Variants in PRUNE2 observed in about 807,000 individuals in gnomAD.
PRUNE2 encodes prune homolog 2 with BCH domain.
PRUNE2 carries 164 observed loss-of-function variants against 252.0 expected under a neutral mutation model. The ratio of observed to expected loss-of-function variants is 0.65; its 90% CI spans 0.57 to 0.74. The LOEUF is 0.74. PRUNE2 is among the 30% of genes least tolerant of loss of function. The pLI, the probability that PRUNE2 is intolerant of heterozygous loss-of-function variation, is 0.00. For synonymous variants in PRUNE2, 1,292 were observed against 1,350.2 expected (o/e 0.96, Z 0.94); for missense variants, 3,495 against 3,711.0 (o/e 0.94, Z 1.51).
intron 11 of PRUNE2, among the ~76,000 whole-genome samples, chr9:76,649,179 A>G (rs529873898): frequency 6.6e-5 from 10 of 152,332 alleles, no homozygotes; most frequent in African/African-American, 2.4e-4. Flanking sequence ...TAATGAAAGT[A>G]CCAGGAATAC....
intron 9 of PRUNE2, among the ~76,000 whole-genome samples, chr9:76,658,367 C>T (rs555388489): frequency 6.6e-6 from 1 of 152,080 alleles, no homozygotes; most frequent in Admixed American, 6.5e-5. Context: ...CCACTCCCCC[C>T]CAAAAAGAAG....
At chr9:76,688,647 G>A (rs1437750038) in intron 9 of PRUNE2, among the ~76,000 whole-genome samples, 1 of 152,062 alleles carries the variant, frequency 6.6e-6, no homozygotes, top group Non-Finnish European at 1.5e-5. Flanking sequence ...CCAGTCTCAG[G>A]TGGATTGCCA....
At position 76,714,793 on chromosome 9, in the gene PRUNE2, A is replaced by G. The variant is rs116490608; in HGVS notation, c.757-1072T>C. ...CAGTGAAGAACATATGCTAGCCCCT[A>G]ACATAATGCCTGGCATATACTAGTT... On this transcript the variant is annotated intron_variant, in intron 6 of 18. Coordinates refer to ENST00000376718, the MANE Select transcript of PRUNE2 (RefSeq NM_015225.3). Among the ~76,000 whole-genome samples the G allele has an allele frequency of 6.7e-3, 1,018 of 152,338 alleles. 9 individuals are homozygous for G. The highest frequency in any genetic ancestry group is 0.022 in the African/African-American group (932 of 41,568).
At chr9:76,892,440 A>G (rs1322344463) in intron 1 of PRUNE2, among the ~76,000 whole-genome samples, 2 of 152,252 alleles carry the variant, frequency 1.3e-5, no homozygotes, top group Non-Finnish European at 2.9e-5. Context: ...AAGCCAGTTT[A>G]AAGACATAAT....
chr9:76,660,981 T>C (rs71509892), intron 9 of PRUNE2, among the ~76,000 whole-genome samples: 2 of 151,648 alleles, frequency 1.3e-5, no homozygotes, highest in Non-Finnish European at 2.9e-5. Flanking sequence ...ATGCAATAAA[T>C]AGAAAAATTA....
intron 9 of PRUNE2, among the ~76,000 whole-genome samples, chr9:76,683,460 C>A (rs1485117404): frequency 6.6e-6 from 1 of 152,194 alleles, no homozygotes; most frequent in Non-Finnish European, 1.5e-5. Flanking sequence ...CTTAGGTTTT[C>A]ATAATATGAG....
At chr9:76,711,604 T>G (rs1193992927) in intron 7 of PRUNE2, among the ~76,000 whole-genome samples, 3 of 152,194 alleles carry the variant, frequency 2.0e-5, no homozygotes, top group Non-Finnish European at 4.4e-5. Flanking sequence ...CCTGAACGTT[T>G]GGGTAAAGGA....
chr9:76,620,496 A>G (rs558057677), intron 17 of PRUNE2, among the ~76,000 whole-genome samples: 4 of 152,288 alleles, frequency 2.6e-5, no homozygotes, highest in African/African-American at 9.6e-5. Context: ...AAGAGCTTCT[A>G]TGATCCTTTT....
chr9:76,856,230 G>A (rs1355846683), intron 1 of PRUNE2, among the ~76,000 whole-genome samples: 1 of 152,162 alleles, frequency 6.6e-6, no homozygotes, highest in Non-Finnish European at 1.5e-5. Flanking sequence ...CCTCTGCCCT[G>A]TATTAATGCC....
At chr9:76,852,896 T>C (rs1203134386) in intron 2 of PRUNE2, among the ~76,000 whole-genome samples, 1 of 152,202 alleles carries the variant, frequency 6.6e-6, no homozygotes, top group Non-Finnish European at 1.5e-5. Context: ...TTTTATTGGA[T>C]GTCAAGACAT....
At chr9:76,690,205 G>A (rs1179504683) in intron 9 of PRUNE2, among the ~76,000 whole-genome samples, 2 of 152,028 alleles carry the variant, frequency 1.3e-5, no homozygotes, top group Non-Finnish European at 1.5e-5. Context: ...GCCCTTTCTC[G>A]CCCCTTCTTC....
intron 1 of PRUNE2, among the ~76,000 whole-genome samples, chr9:76,893,538 A>G (rs1010613660): frequency 6.6e-6 from 1 of 152,226 alleles, no homozygotes; most frequent in African/African-American, 2.4e-5. Context: ...GGCCAATTGT[A>G]ACAAGTGTGG....
chr9:76,684,076 C>T (rs1464619175), intron 9 of PRUNE2, among the ~76,000 whole-genome samples: 1 of 151,996 alleles, frequency 6.6e-6, no homozygotes, highest in African/African-American at 2.4e-5. Context: ...ACCTCACATA[C>T]TTATGTTTTT....
At chr9:76,759,978 C>CGTCCT (rs2051541030) in intron 6 of PRUNE2, 1 of 152,322 alleles carries the variant, frequency 6.6e-6, no homozygotes, top group Admixed American at 6.5e-5. Flanking sequence ...CCCTGTCACA[C>CGTCCT]GTCCTGCGAG....
At chr9:76,901,352 A>G (rs940774468) in intron 1 of PRUNE2, among the ~76,000 whole-genome samples, 2 of 152,140 alleles carry the variant, frequency 1.3e-5, no homozygotes, top group African/African-American at 4.8e-5. Context: ...TCTCAAGAGC[A>G]CCTGCCCTGG....
intron 6 of PRUNE2, among the ~76,000 whole-genome samples, chr9:76,718,926 G>A (rs758060309): frequency 1.3e-5 from 2 of 151,976 alleles, no homozygotes; most frequent in African/African-American, 2.4e-5. Flanking sequence ...CATCTCTCAC[G>A]TAATTCACCA....
chr9:76,870,267 A>G (rs544842195), intron 1 of PRUNE2, among the ~76,000 whole-genome samples: 1 of 150,112 alleles, frequency 6.7e-6, no homozygotes, highest in South Asian at 2.1e-4. Flanking sequence ...AGAGAGCAAG[A>G]CTCCCTAACT....
At chr9:76,871,873 C>T (rs2061219421) in intron 1 of PRUNE2, among the ~76,000 whole-genome samples, 1 of 152,184 alleles carries the variant, frequency 6.6e-6, no homozygotes, top group African/African-American at 2.4e-5. Flanking sequence ...AAGCAATCTG[C>T]CTGCCTCAGG....
In PRUNE2 at chr9:76,655,404, G is replaced by A. The variant is rs1344145982; in HGVS notation, c.8356+19C>T. The A allele has an allele frequency of 6.3e-7, 1 of 1,584,010 alleles. No individual in the cohort carries two copies. On this transcript the variant is annotated intron_variant, in intron 10 of 18. Transcript: ENST00000376718. The stretch of plus-strand genomic sequence containing the variant: ...GATACAGAATACCAACGAAGGAAAT[G>A]AACAAATGCTGCTCTCACCAGGCCT...
Sources: gnomAD v4.1 joint callset for allele counts (sites outside exome capture counted in the v4.1 genomes callset) on GRCh38, gnomAD v4.1.1 for gene constraint, MANE v1.5 for transcripts, NCBI Gene and HGNC (gene_info 2026-07-23, HGNC 2026-07-21) for gene names.